The following GRHL2 variants were observed in gnomAD, a reference collection of about 807,000 sequenced individuals.
GRHL2 encodes grainyhead like transcription factor 2, also known as grainyhead-like protein 2 homolog.
A neutral mutation model predicts 83.8 loss-of-function variants in GRHL2; 21 were observed. The ratio of observed to expected loss-of-function variants is 0.25; its 90% CI spans 0.18 to 0.36. The LOEUF is 0.36. GRHL2 is among the 10% of genes least tolerant of loss of function. The pLI, the probability that GRHL2 is intolerant of heterozygous loss-of-function variation, is 1.00. For synonymous variants in GRHL2, 280 were observed against 278.9 expected (o/e 1.00, Z -0.04); for missense variants, 623 against 781.8 (o/e 0.80, Z 2.42).
chr8:101,577,581 A>G, intron 7 of GRHL2, 62 bp downstream of exon 7: 5 of 1,110,900 alleles, frequency 4.5e-6, no homozygotes, highest in Non-Finnish European at 5.5e-6. Flanking sequence ...CTCAATGCCA[A>G]GGGGAGCCTG....
chr8:101,537,054 T>C (rs1052336762), intron 1 of GRHL2, among the ~76,000 whole-genome samples: 4 of 152,174 alleles, frequency 2.6e-5, no homozygotes, highest in Non-Finnish European at 5.9e-5. Flanking sequence ...CCTGTGTTAG[T>C]TTAAGGATAA....
In GRHL2 at chr8:101,669,327, C is replaced by CTT. The variant is rs900077701; in HGVS notation, c.*2625_*2626dup. The stretch of plus-strand genomic sequence containing the variant: ...CTCATACATCTCCAAATTGTTTAAA[C>CTT]TTACTTTATGAGTGTTTGTTTAGAA... On this transcript the variant is annotated 3_prime_UTR_variant, in exon 16 of 16. Coordinates refer to ENST00000646743, the MANE Select transcript of GRHL2 (RefSeq NM_024915.4). 1 of 142,158 alleles carries CTT rather than the reference C, an allele frequency of 7.0e-6. No individual in the cohort carries two copies. Among genetic ancestry groups the CTT allele is most frequent in the Non-Finnish European group, 1.5e-5 (1 of 66,620 alleles). The allele number at this position is 142,158 out of a possible 1,614,324, so 8.8% of individuals were successfully genotyped here. A position where few individuals can be genotyped will look rare whatever the true frequency, so the allele number is the denominator to read the frequency against.
chr8:101,519,948 T>G (rs1810649725), intron 1 of GRHL2, among the ~76,000 whole-genome samples: 1 of 152,220 alleles, frequency 6.6e-6, no homozygotes, highest in African/African-American at 2.4e-5. Flanking sequence ...CTTATTTTCC[T>G]AATAGTTCCA....
intron 4 of GRHL2, 54 bp downstream of exon 4, chr8:101,558,866 A>AT: frequency 6.4e-7 from 1 of 1,568,452 alleles, no homozygotes; most frequent in South Asian, 1.1e-5. Context: ...CCCCTAGCTA[A>AT]TTTTTTTCTA....
intron 14 of GRHL2, among the ~76,000 whole-genome samples, chr8:101,655,908 A>G (rs922652984): frequency 6.6e-6 from 1 of 152,204 alleles, no homozygotes; most frequent in Non-Finnish European, 1.5e-5. Flanking sequence ...TGGCCACTGT[A>G]GCTTCTGGCT....
intron 1 of GRHL2, among the ~76,000 whole-genome samples, chr8:101,524,429 C>T (rs1196665479): frequency 6.6e-6 from 1 of 151,982 alleles, no homozygotes; most frequent in Non-Finnish European, 1.5e-5. Flanking sequence ...ATGCTTAGCT[C>T]TTTAACTTTT....
At chr8:101,559,353 C>CAAAA (rs34176940) in intron 4 of GRHL2, among the ~76,000 whole-genome samples, 29 of 88,942 alleles carry the variant, frequency 3.3e-4, no homozygotes, top group East Asian at 3.2e-3. Flanking sequence ...ACTAAAAATA[C>CAAAA]AAAAAAAAAA....
chr8:101,624,379 G>A (rs567474386), intron 9 of GRHL2, among the ~76,000 whole-genome samples: 1 of 150,916 alleles, frequency 6.6e-6, no homozygotes, highest in South Asian at 2.1e-4. Flanking sequence ...GCAGTTCAGA[G>A]TACACAGTAG....
downstream of GRHL2, among the ~76,000 whole-genome samples, chr8:101,671,925 C>T (rs1290381183): frequency 2.6e-5 from 4 of 152,172 alleles, no homozygotes. Context: ...GCCACCGCTG[C>T]TGATACCCAG....
chr8:101,528,543 A>AT (rs1810853878), intron 1 of GRHL2, among the ~76,000 whole-genome samples: 1 of 152,074 alleles, frequency 6.6e-6, no homozygotes, highest in African/African-American at 2.4e-5. Flanking sequence ...GCTGGGGAAC[A>AT]TGTGCCCTCA....
intron 13 of GRHL2, among the ~76,000 whole-genome samples, chr8:101,645,820 AGCATAAAT>A (rs1813501353): frequency 6.6e-6 from 1 of 152,268 alleles, no homozygotes; most frequent in South Asian, 2.1e-4. Context: ...GAATGGAAAC[AGCATAAAT>A]GCATAAATGC....
chr8:101,575,576 A>G (rs1811917549), intron 6 of GRHL2, among the ~76,000 whole-genome samples: 1 of 152,194 alleles, frequency 6.6e-6, no homozygotes, highest in Admixed American at 6.5e-5. Flanking sequence ...ATTTCTGAGA[A>G]CAGTGTTTCA....
At chr8:101,514,620 T>G (rs1439657235) in intron 1 of GRHL2, among the ~76,000 whole-genome samples, 1 of 152,218 alleles carries the variant, frequency 6.6e-6, no homozygotes, top group Non-Finnish European at 1.5e-5. Context: ...TGGCTGCAGC[T>G]GGGCCCATGG....
At chr8:101,678,422 G>A in the GRHL2 span, among the ~76,000 whole-genome samples, 23 of 152,218 alleles carry the variant, frequency 1.5e-4, no homozygotes, top group South Asian at 6.3e-4. Context: ...CACCTGGCTC[G>A]GAGGGTCCTA....
chr8:101,631,717 C>T lies in GRHL2; in HGVS notation c.1338C>T (p.Cys446=), dbSNP rs561610219. 1 of 1,612,642 alleles carries T rather than the reference C, an allele frequency of 6.2e-7. No individual in the cohort carries two copies. Residue 446 remains cysteine (C), a synonymous_variant, in exon 10 of 16, where the codon TGC becomes TGT. Coordinates refer to ENST00000646743, the MANE Select transcript of GRHL2 (RefSeq NM_024915.4). The part of the protein sequence containing the change: ...KGKGQASQTQ[C]NSSSDGKLAA... ...AAGGCCAGGCCTCCCAAACTCAATGCAACAGCTGTGAGTTTCACTGAGACT... is the reference window on the plus strand; with the variant it reads ...AAGGCCAGGCCTCCCAAACTCAATGTAACAGCTGTGAGTTTCACTGAGACT...
chr8:101,588,504 C>T (rs1329029246), intron 7 of GRHL2, among the ~76,000 whole-genome samples: 2 of 152,198 alleles, frequency 1.3e-5, no homozygotes, highest in Non-Finnish European at 2.9e-5. Context: ...TCCCCACCCC[C>T]TTAACACAGG....
intron 9 of GRHL2, among the ~76,000 whole-genome samples, chr8:101,623,491 A>T (rs1165480581): frequency 6.9e-6 from 1 of 145,630 alleles, no homozygotes; most frequent in African/African-American, 2.8e-5. Flanking sequence ...ACAGTAAGAC[A>T]GTTCACAGTA....
At chr8:101,552,063 C>A (rs371175121) in intron 2 of GRHL2, among the ~76,000 whole-genome samples, 23 of 152,228 alleles carry the variant, frequency 1.5e-4, no homozygotes, top group African/African-American at 5.5e-4. Flanking sequence ...TCTCTACCTC[C>A]TGACCTCGTG....
chr8:101,587,943 T>C (rs746418544), intron 7 of GRHL2, among the ~76,000 whole-genome samples: 2 of 152,250 alleles, frequency 1.3e-5, no homozygotes, highest in Non-Finnish European at 2.9e-5. Context: ...CTTCCTTGTT[T>C]ACAAAACCTA....
Sources: gnomAD v4.1 joint callset for allele counts (sites outside exome capture counted in the v4.1 genomes callset) on GRCh38, gnomAD v4.1.1 for gene constraint, MANE v1.5 for transcripts, NCBI Gene and HGNC (gene_info 2026-07-23, HGNC 2026-07-21) for gene names.